ACKR2: variants seen among roughly 807,000 people sequenced by gnomAD.
The protein encoded by ACKR2 is C-C chemokine receptor D6.
For synonymous variants in ACKR2, 207 were observed against 192.2 expected, an observed-to-expected ratio of 1.08 and a Z score of -0.64; for missense variants, 457 against 477.3, an observed-to-expected ratio of 0.96 and a Z score of 0.40.
intron 2 of ACKR2, among the ~76,000 whole-genome samples, chr3:42,827,199 T>C (rs1700876920): frequency 6.6e-6 from 1 of 152,212 alleles, no homozygotes; most frequent in African/African-American, 2.4e-5. Flanking sequence ...TTTGCAGTTG[T>C]TGGGTGGAGT....
chr3:42,840,951 A>G (rs183427579), intron 2 of ACKR2, among the ~76,000 whole-genome samples: 2 of 152,276 alleles, frequency 1.3e-5, no homozygotes, highest in East Asian at 3.9e-4. Flanking sequence ...CGGCCTCCCA[A>G]AGTGCTGGGA....
intron 1 of ACKR2, among the ~76,000 whole-genome samples, chr3:42,811,566 T>G (rs533912969): frequency 6.6e-6 from 1 of 152,230 alleles, no homozygotes; most frequent in South Asian, 2.1e-4. Flanking sequence ...TATGGCCTTG[T>G]GGGAAGGGAA....
chr3:42,860,255 A>G (rs1398067577), intron 2 of ACKR2, among the ~76,000 whole-genome samples: 4 of 151,926 alleles, frequency 2.6e-5, no homozygotes, highest in African/African-American at 9.6e-5. Context: ...AAAAGACAAA[A>G]AAGGGCATTA....
At chr3:42,859,069 C>T (rs562106036) in intron 2 of ACKR2, among the ~76,000 whole-genome samples, 185 of 152,134 alleles carry the variant, frequency 1.2e-3, no homozygotes, top group Non-Finnish European at 2.2e-3. Context: ...CTGAAAGTGA[C>T]GGAGGGAATG....
chr3:42,847,794 GCCCT>G (rs1287087626), intron 2 of ACKR2, among the ~76,000 whole-genome samples: 39 of 152,122 alleles, frequency 2.6e-4, no homozygotes, highest in African/African-American at 9.2e-4. Context: ...GCCAGGCTCA[GCCCT>G]TCCTGGAACT....
intron 2 of ACKR2, chr3:42,835,579 G>T (rs866605266): frequency 1.3e-5 from 2 of 152,106 alleles, no homozygotes; most frequent in Non-Finnish European, 2.9e-5. Context: ...GCCCTTTACC[G>T]TGAGCAGATT....
chr3:42,864,508 C>A lies in ACKR2; in HGVS notation c.6C>A (p.Ala2=). ...ACTGGGCATTTCCTTCCAACATGGCCGCCACTGCCTCTCCGCAGCCACTCG... is the reference window on the plus strand; with the variant it reads ...ACTGGGCATTTCCTTCCAACATGGCAGCCACTGCCTCTCCGCAGCCACTCG... M[A]ATASPQPLAT... The change falls in exon 3 of 3, where the codon GCC becomes GCA. Residue 2 remains alanine (A), a synonymous_variant. Transcript: ENST00000422265. 1 of 1,593,834 alleles carries A rather than the reference C, an allele frequency of 6.3e-7. No individual in the cohort carries two copies. Among genetic ancestry groups the A allele is most frequent in the South Asian group, 1.1e-5 (1 of 87,772 alleles).
chr3:42,820,559 C>T (rs1700798801), intron 2 of ACKR2, among the ~76,000 whole-genome samples: 1 of 147,886 alleles, frequency 6.8e-6, no homozygotes, highest in Admixed American at 6.8e-5. Context: ...CGCCACTGCA[C>T]TCCAGCCTGG....
intron 1 of ACKR2, among the ~76,000 whole-genome samples, chr3:42,810,258 A>G (rs1700681382): frequency 6.6e-6 from 1 of 152,186 alleles, no homozygotes; most frequent in African/African-American, 2.4e-5. Context: ...GATTGGAATG[A>G]TGAGTTAGGA....
chr3:42,858,796 G>T lies in ACKR2; in HGVS notation c.-37-5670G>T, dbSNP rs568562534. On this transcript the variant is annotated intron_variant, in intron 2 of 2. Coordinates refer to ENST00000422265, the MANE Select transcript of ACKR2 (RefSeq NM_001296.5). The stretch of plus-strand genomic sequence containing the variant: ...ACCTTGAAAAAAGGTTAGAGGAATT[G>T]CTAACTAGCAAAACCAGTTTAGAGA... 3.3e-5 allele frequency among the ~76,000 whole-genome samples: 5 copies of T among 152,018 alleles called. No individual in the cohort carries two copies. In the East Asian group the frequency reaches 9.8e-4, roughly 30 times the overall value.
At chr3:42,833,838 C>G (rs1700957373) in intron 2 of ACKR2, among the ~76,000 whole-genome samples, 1 of 151,732 alleles carries the variant, frequency 6.6e-6, no homozygotes, top group African/African-American at 2.4e-5. Context: ...TTTTAGAAAC[C>G]CAGATTTTCA....
intron 1 of ACKR2, among the ~76,000 whole-genome samples, chr3:42,813,426 A>C (rs1294137657): frequency 6.6e-6 from 1 of 152,214 alleles, no homozygotes; most frequent in Non-Finnish European, 1.5e-5. Context: ...TTGTATAGGA[A>C]GCATGGCTAA....
chr3:42,813,727 T>C (rs1039203009), intron 1 of ACKR2, among the ~76,000 whole-genome samples: 7 of 152,222 alleles, frequency 4.6e-5, no homozygotes, highest in African/African-American at 1.7e-4. Flanking sequence ...CTTGGTACAA[T>C]GTGCCTTTAT....
intron 2 of ACKR2, among the ~76,000 whole-genome samples, chr3:42,855,222 G>A (rs2088301036): frequency 1.3e-5 from 2 of 152,274 alleles, no homozygotes; most frequent in South Asian, 4.2e-4. Flanking sequence ...AGAGGCTAAG[G>A]ATGAGGTGGG....
chr3:42,816,479 A>G (rs370179401), intron 1 of ACKR2, among the ~76,000 whole-genome samples: 4 of 152,026 alleles, frequency 2.6e-5, no homozygotes, highest in East Asian at 1.9e-4. Flanking sequence ...AAAATATTAT[A>G]CTTTAAATAT....
chr3:42,812,680 C>T (rs77146280), intron 1 of ACKR2, among the ~76,000 whole-genome samples: 12 of 72,758 alleles, frequency 1.6e-4, no homozygotes, highest in East Asian at 9.8e-4. Flanking sequence ...AATTTTCAGC[C>T]TTTTTTTTTT....
At chr3:42,837,537 T>C (rs191112864) in intron 2 of ACKR2, among the ~76,000 whole-genome samples, 1 of 152,316 alleles carries the variant, frequency 6.6e-6, no homozygotes, top group Non-Finnish European at 1.5e-5. Context: ...CCTGCAGTTC[T>C]GACAGGAGAC....
At chr3:42,853,941 G>A (rs1343349496) in intron 2 of ACKR2, among the ~76,000 whole-genome samples, 1 of 152,144 alleles carries the variant, frequency 6.6e-6, no homozygotes, top group Non-Finnish European at 1.5e-5. Context: ...TTGTTTATTT[G>A]ATCAGTTTGC....
At chr3:42,820,419 C>T (rs1700796774) in intron 2 of ACKR2, among the ~76,000 whole-genome samples, 1 of 151,704 alleles carries the variant, frequency 6.6e-6, no homozygotes, top group African/African-American at 2.4e-5. Context: ...TGGTGAAACC[C>T]CATCTCTACT....
Sources: gnomAD v4.1 joint callset for allele counts (sites outside exome capture counted in the v4.1 genomes callset) on GRCh38, gnomAD v4.1.1 for gene constraint, MANE v1.5 for transcripts, NCBI Gene and HGNC (gene_info 2026-07-23, HGNC 2026-07-21) for gene names.